The following ARHGAP42 variants were observed in gnomAD, a reference collection of about 807,000 sequenced individuals.
ARHGAP42 encodes the protein Rho GTPase activating protein 42, also known as rho GTPase-activating protein 42.
Under a neutral mutation model 125.0 loss-of-function variants are expected in ARHGAP42, and 63 were observed. The observed-to-expected ratio is 0.50, with a 90% confidence interval of 0.41 to 0.62. ARHGAP42 has a LOEUF of 0.62. Ranked by LOEUF, ARHGAP42 falls within the 20% of genes least tolerant of loss-of-function variation. The probability of loss-of-function intolerance (pLI) is 0.00; values close to 1 mark genes in which losing one functional copy is unlikely to be tolerated. For missense variants in ARHGAP42, 766 were observed against 1,024.2 expected (o/e 0.75, Z 3.44); for synonymous variants, 339 against 351.0 (o/e 0.97, Z 0.38).
chr11:100,745,583 G>C (rs1387906198), intron 1 of ARHGAP42, among the ~76,000 whole-genome samples: 2 of 152,152 alleles, frequency 1.3e-5, no homozygotes, highest in Non-Finnish European at 2.9e-5. Flanking sequence ...TGAGTTGTTG[G>C]CTAACTCATT....
At chr11:100,788,885 G>T (rs1228743354) in intron 2 of ARHGAP42, among the ~76,000 whole-genome samples, 2 of 152,132 alleles carry the variant, frequency 1.3e-5, no homozygotes, top group Non-Finnish European at 2.9e-5. Context: ...GATTTTTTAA[G>T]TGTTCAAAAA....
intron 4 of ARHGAP42, among the ~76,000 whole-genome samples, chr11:100,892,687 C>T (rs971959579): frequency 3.9e-5 from 6 of 152,070 alleles, no homozygotes; most frequent in Non-Finnish European, 7.4e-5. Context: ...TAGTCAGTAA[C>T]CATAATTTCC....
At chr11:100,889,894 C>G (rs1038964372) in intron 4 of ARHGAP42, among the ~76,000 whole-genome samples, 2 of 152,120 alleles carry the variant, frequency 1.3e-5, no homozygotes, top group Non-Finnish European at 2.9e-5. Context: ...CAAGCTGGAC[C>G]ATTCTTTAGA....
intron 6 of ARHGAP42, among the ~76,000 whole-genome samples, chr11:100,924,496 G>A (rs947245588): frequency 4.0e-5 from 6 of 151,686 alleles, no homozygotes; most frequent in South Asian, 2.1e-4. Flanking sequence ...GTGAAACCCC[G>A]TCTCTACTAA....
chr11:100,813,778 T>G (rs1864202455), intron 3 of ARHGAP42, among the ~76,000 whole-genome samples: 2 of 152,196 alleles, frequency 1.3e-5, no homozygotes, highest in Admixed American at 1.3e-4. Context: ...TAGGTATATA[T>G]TGCTATATTT....
intron 1 of ARHGAP42, among the ~76,000 whole-genome samples, chr11:100,753,279 C>T (rs1481345936): frequency 2.0e-5 from 3 of 152,162 alleles, no homozygotes; most frequent in Non-Finnish European, 2.9e-5. Context: ...AAGCCTCACC[C>T]AGCTCCCATG....
At chr11:100,731,580 G>A (rs958048223) in intron 1 of ARHGAP42, among the ~76,000 whole-genome samples, 3 of 152,158 alleles carry the variant, frequency 2.0e-5, no homozygotes, top group South Asian at 4.1e-4. Context: ...GCTGTGTCTG[G>A]GAATTGGGTT....
rs1369841413 is a variant in ARHGAP42, at chr11:100,875,101, CTCTCTCTGTGTGTGTGTGTG to C, written c.384+15478_384+15497del. 1.3e-4 allele frequency among the ~76,000 whole-genome samples: 12 copies of C among 93,486 alleles called. 1 individual carries two copies. In the South Asian group the frequency reaches 2.3e-3, roughly 18 times the overall value. 61.3% of individuals were successfully genotyped at this position (93,486 alleles called of 152,430 possible). On this transcript the variant is annotated intron_variant, in intron 4 of 23. Coordinates refer to ENST00000298815, the MANE Select transcript of ARHGAP42 (RefSeq NM_152432.4). ...TCTCTCTCTCTCTCTCTCTCTCTCT[CTCTCTCTGTGTGTGTGTGTG>C]TGTGTGTGTGTGTGTGTGTGTGTGT... is the stretch of plus-strand genomic sequence containing the variant.
chr11:100,970,619 A>T (rs1376482908), intron 17 of ARHGAP42, among the ~76,000 whole-genome samples: 2 of 151,638 alleles, frequency 1.3e-5, no homozygotes, highest in African/African-American at 4.8e-5. Flanking sequence ...ATTTGTTATG[A>T]TGCTAAAAAG....
intron 4 of ARHGAP42, among the ~76,000 whole-genome samples, chr11:100,861,596 C>G (rs1251116596): frequency 6.6e-6 from 1 of 152,106 alleles, no homozygotes; most frequent in Non-Finnish European, 1.5e-5. Context: ...GAAATGACAA[C>G]AGTAAGAAGT....
intron 15 of ARHGAP42, 56 bp downstream of exon 15, chr11:100,961,824 G>T (rs1174893345): frequency 7.1e-7 from 1 of 1,408,440 alleles, no homozygotes; most frequent in African/African-American, 1.4e-5. Flanking sequence ...CACCCCTTGA[G>T]TAGTAACCAC....
intron 3 of ARHGAP42, among the ~76,000 whole-genome samples, chr11:100,833,561 C>G (rs1325099711): frequency 1.3e-5 from 2 of 152,164 alleles, no homozygotes; most frequent in African/African-American, 4.8e-5. Context: ...TGGAAAGACT[C>G]AAACAATAGA....
intron 1 of ARHGAP42, among the ~76,000 whole-genome samples, chr11:100,709,425 C>T (rs961831743): frequency 1.3e-5 from 2 of 152,176 alleles, no homozygotes; most frequent in African/African-American, 4.8e-5. Flanking sequence ...GGATATACAG[C>T]ATGGAGAAGC....
intron 22 of ARHGAP42, among the ~76,000 whole-genome samples, chr11:100,983,539 G>A (rs902581750): frequency 6.6e-6 from 1 of 152,176 alleles, no homozygotes; most frequent in Admixed American, 6.5e-5. Flanking sequence ...TGCGGGGATG[G>A]TAGGGGAGTT....
intron 2 of ARHGAP42, among the ~76,000 whole-genome samples, chr11:100,786,234 T>A (rs537624011): frequency 6.6e-6 from 1 of 152,288 alleles, no homozygotes; most frequent in South Asian, 2.1e-4. Context: ...ATTGCACAGG[T>A]CCTCATTTTC....
chr11:100,716,170 G>A (rs1861657400), intron 1 of ARHGAP42, among the ~76,000 whole-genome samples: 1 of 152,164 alleles, frequency 6.6e-6, no homozygotes, highest in African/African-American at 2.4e-5. Flanking sequence ...GCTTCATGGG[G>A]ACTTTTGCCT....
chr11:100,989,120 C>G lies in ARHGAP42; in HGVS notation c.*319C>G. On this transcript the variant is annotated 3_prime_UTR_variant, in exon 24 of 24. Coordinates refer to ENST00000298815, the MANE Select transcript of ARHGAP42 (RefSeq NM_152432.4). ...AAATACTGTGTTAAATACTGTATCC[C>G]AGAAATTTGGAAACCAGAAATCTGC... The G allele has an allele frequency of 2.5e-6, 1 of 402,624 alleles. No homozygotes were observed. Among genetic ancestry groups the G allele is most frequent in the Admixed American group, 4.3e-5 (1 of 23,312 alleles). 24.9% of individuals were successfully genotyped at this position (402,624 alleles called of 1,614,324 possible).
intron 4 of ARHGAP42, among the ~76,000 whole-genome samples, chr11:100,887,798 T>G (rs918470333): frequency 1.3e-5 from 2 of 152,162 alleles, no homozygotes; most frequent in Non-Finnish European, 2.9e-5. Context: ...CAGGCCATAA[T>G]TCAGGCAGCC....
intron 4 of ARHGAP42, among the ~76,000 whole-genome samples, chr11:100,910,696 G>C (rs1186629358): frequency 6.6e-6 from 1 of 151,574 alleles, no homozygotes; most frequent in Non-Finnish European, 1.5e-5. Flanking sequence ...TTTTGGAGGA[G>C]ATGTGAGTTG....
Sources: gnomAD v4.1 joint callset for allele counts (sites outside exome capture counted in the v4.1 genomes callset) on GRCh38, gnomAD v4.1.1 for gene constraint, MANE v1.5 for transcripts, NCBI Gene and HGNC (gene_info 2026-07-23, HGNC 2026-07-21) for gene names.